NRG1: variants seen among roughly 807,000 people sequenced by gnomAD.
NRG1 encodes neuregulin 1, also known as pro-neuregulin-1, membrane-bound isoform.
NRG1 carries 18 observed loss-of-function variants against 63.8 expected under a neutral mutation model. The ratio of observed to expected loss-of-function variants is 0.28; its 90% confidence interval spans 0.19 to 0.42. The LOEUF (loss-of-function observed/expected upper bound fraction) is 0.42, where lower values mean the gene tolerates loss of function less well. Among genes scored for constraint, NRG1 ranks in the 10% least tolerant of loss-of-function variants. The pLI, the probability that NRG1 is intolerant of heterozygous loss-of-function variation, is 1.00. For synonymous variants in NRG1, 302 were observed against 301.3 expected, an observed-to-expected ratio of 1.00 and a Z score of -0.02; for missense variants, 762 against 814.7, an observed-to-expected ratio of 0.94 and a Z score of 0.79.
At chr8:32,244,522 CAAAAG>C (rs978451883) in intron 1 of NRG1, among the ~76,000 whole-genome samples, 1 of 152,050 alleles carries the variant, frequency 6.6e-6, no homozygotes, top group Non-Finnish European at 1.5e-5. Context: ...AGGAATGTCT[CAAAAG>C]AAAGGGAAGC....
At chr8:31,784,264 T>C (rs1377098539) in intron 1 of NRG1, among the ~76,000 whole-genome samples, 1 of 152,238 alleles carries the variant, frequency 6.6e-6, no homozygotes, top group Non-Finnish European at 1.5e-5. Flanking sequence ...CTATCCTATA[T>C]TATTTTTCAG....
intron 1 of NRG1, among the ~76,000 whole-genome samples, chr8:31,858,860 C>T (rs763061611): frequency 6.6e-6 from 1 of 152,176 alleles, no homozygotes; most frequent in African/African-American, 2.4e-5. Flanking sequence ...AGTTTTGCCT[C>T]ATTTGCCATA....
intron 1 of NRG1, among the ~76,000 whole-genome samples, chr8:32,235,399 A>G (rs987099802): frequency 6.6e-6 from 1 of 152,158 alleles, no homozygotes; most frequent in Non-Finnish European, 1.5e-5. Flanking sequence ...TCTCCAAAAA[A>G]TGAAAAACAG....
chr8:31,968,076 C>T (rs1327049889), intron 1 of NRG1, among the ~76,000 whole-genome samples: 1 of 152,152 alleles, frequency 6.6e-6, no homozygotes, highest in Non-Finnish European at 1.5e-5. Context: ...ACATCCCTCC[C>T]TTTTGTTAAT....
At chr8:32,605,757 T>G in intron 3 of NRG1, 74 bp downstream of exon 3, 1 of 1,498,490 alleles carries the variant, frequency 6.7e-7, no homozygotes, top group Middle Eastern at 1.8e-4. Flanking sequence ...AGACTCATAA[T>G]AGACTGGTGT....
intron 1 of NRG1, among the ~76,000 whole-genome samples, chr8:31,724,533 A>G (rs143201702): frequency 6.6e-6 from 1 of 152,190 alleles, no homozygotes; most frequent in East Asian, 1.9e-4. Context: ...TCCTTCACAA[A>G]CTAAAATACT....
At chr8:32,021,989 G>A (rs535434606) in intron 1 of NRG1, among the ~76,000 whole-genome samples, 1 of 152,164 alleles carries the variant, frequency 6.6e-6, no homozygotes, top group South Asian at 2.1e-4. Flanking sequence ...AGTGGTTGGT[G>A]TTTTTCTATT....
At chr8:32,361,811 A>C (rs557167150) in intron 1 of NRG1, among the ~76,000 whole-genome samples, 1 of 152,220 alleles carries the variant, frequency 6.6e-6, no homozygotes, top group East Asian at 1.9e-4. Flanking sequence ...ATGTGGCCTC[A>C]GTAATACACA....
At chr8:32,533,819 C>T (rs552594201) in intron 1 of NRG1, among the ~76,000 whole-genome samples, 2 of 152,176 alleles carry the variant, frequency 1.3e-5, no homozygotes, top group Admixed American at 1.3e-4. Flanking sequence ...AGTTTAAATG[C>T]ATTGAATGTC....
intron 1 of NRG1, among the ~76,000 whole-genome samples, chr8:31,723,767 T>C (rs548598550): frequency 6.6e-6 from 1 of 152,236 alleles, no homozygotes; most frequent in South Asian, 2.1e-4. Context: ...AGGCTGGAGG[T>C]CCTATCTCTA....
At chr8:31,733,451 A>G (rs1050320132) in intron 1 of NRG1, among the ~76,000 whole-genome samples, 1 of 152,196 alleles carries the variant, frequency 6.6e-6, no homozygotes, top group Non-Finnish European at 1.5e-5. Flanking sequence ...AAATGGAGAC[A>G]TTTTAAGAAT....
At chr8:32,111,172 C>T (rs946650508) in intron 1 of NRG1, among the ~76,000 whole-genome samples, 1 of 151,948 alleles carries the variant, frequency 6.6e-6, no homozygotes, top group East Asian at 1.9e-4. Flanking sequence ...GCTGGAGTGC[C>T]GCGGTGTGCT....
intron 1 of NRG1, among the ~76,000 whole-genome samples, chr8:32,205,160 T>C (rs1843904052): frequency 6.6e-6 from 1 of 152,194 alleles, no homozygotes; most frequent in Non-Finnish European, 1.5e-5. Flanking sequence ...CTCTAAAATG[T>C]TAACAAGAAT....
At chr8:31,978,715 G>A (rs558957232) in intron 1 of NRG1, among the ~76,000 whole-genome samples, 129 of 152,190 alleles carry the variant, frequency 8.5e-4, no homozygotes, top group Admixed American at 1.4e-3. Context: ...AAATGAATCT[G>A]CTTAAATAGA....
At chr8:32,434,935 T>C (rs1263367902) in intron 1 of NRG1, among the ~76,000 whole-genome samples, 1 of 152,168 alleles carries the variant, frequency 6.6e-6, no homozygotes, top group East Asian at 1.9e-4. Flanking sequence ...AATATGCTAT[T>C]TTATGTCAGG....
chr8:32,338,645 T>C (rs1803650163), intron 1 of NRG1, among the ~76,000 whole-genome samples: 1 of 152,086 alleles, frequency 6.6e-6, no homozygotes, highest in Non-Finnish European at 1.5e-5. Flanking sequence ...GCCCCAAACT[T>C]TTCAGTAAAA....
intron 1 of NRG1, among the ~76,000 whole-genome samples, chr8:32,471,715 G>A (rs898183360): frequency 5.9e-5 from 9 of 151,944 alleles, no homozygotes; most frequent in Non-Finnish European, 8.8e-5. Context: ...TTCAAATACC[G>A]AAAGAAAAAA....
chr8:32,559,010 T>G, intron 1 of NRG1, among the ~76,000 whole-genome samples: 1 of 146,568 alleles, frequency 6.8e-6, no homozygotes, highest in East Asian at 2.0e-4. Context: ...GCCCAGGAGG[T>G]TGAGGCTGTG....
chr8:32,643,475 G>A (rs1398230417), intron 5 of NRG1, among the ~76,000 whole-genome samples: 1 of 152,166 alleles, frequency 6.6e-6, no homozygotes, highest in Non-Finnish European at 1.5e-5. Context: ...AGTGCCGGCT[G>A]GCATCTAGCA....
Sources: gnomAD v4.1 joint callset for allele counts (sites outside exome capture counted in the v4.1 genomes callset) on GRCh38, gnomAD v4.1.1 for gene constraint, MANE v1.5 for transcripts, NCBI Gene and HGNC (gene_info 2026-07-23, HGNC 2026-07-21) for gene names.